LRIG2: variants seen among roughly 807,000 people sequenced by gnomAD.
LRIG2 encodes leucine-rich repeats and immunoglobulin-like domains protein 2.
A neutral mutation model predicts 107.8 loss-of-function variants in LRIG2; 93 were observed. The observed-to-expected ratio is 0.86, with a 90% CI of 0.73 to 1.03. LRIG2 has a LOEUF of 1.03. Among genes scored for constraint, LRIG2 ranks in the 50% least tolerant of loss-of-function variants. LRIG2 has a pLI of 0.00. For synonymous variants in LRIG2, 471 were observed against 470.6 expected (o/e 1.00, Z -0.01); for missense variants, 1,226 against 1,296.0 (o/e 0.95, Z 0.83).
intron 11 of LRIG2, among the ~76,000 whole-genome samples, chr1:113,102,204 T>C (rs898331293): frequency 1.3e-5 from 2 of 152,138 alleles, no homozygotes; most frequent in Non-Finnish European, 2.9e-5. Flanking sequence ...ATATCTACAA[T>C]TTTTTTGATA....
At chr1:113,086,732 A>G (rs1161356254) in intron 1 of LRIG2, among the ~76,000 whole-genome samples, 1 of 152,202 alleles carries the variant, frequency 6.6e-6, no homozygotes, top group Non-Finnish European at 1.5e-5. Context: ...ACATGATATC[A>G]AGGACATTAA....
chr1:113,110,202 A>T (rs1458028949), intron 12 of LRIG2, 40 bp from the exon 13 acceptor site: 1 of 1,395,368 alleles, frequency 7.2e-7, no homozygotes, highest in Admixed American at 2.3e-5. Context: ...AGCAAAAATA[A>T]ATAACTGACT....
At chr1:113,116,160 G>T (rs1654998940) in intron 15 of LRIG2, 127 bp from the exon 16 acceptor site, 3 of 609,196 alleles carry the variant, frequency 4.9e-6, no homozygotes, top group Admixed American at 6.8e-5. Flanking sequence ...ACCAAGAGCT[G>T]TTGCGGTCCT....
chr1:113,081,525 A>G (rs979150563), intron 1 of LRIG2, among the ~76,000 whole-genome samples: 9 of 151,942 alleles, frequency 5.9e-5, no homozygotes, highest in East Asian at 1.9e-4. Context: ...GGGTTTCACC[A>G]TATTGGCCAG....
At chr1:113,089,616 C>T (rs1054494375) in intron 1 of LRIG2, among the ~76,000 whole-genome samples, 5 of 148,646 alleles carry the variant, frequency 3.4e-5, no homozygotes, top group African/African-American at 7.4e-5. Context: ...CCACCAATGC[C>T]GTCATTATTA....
Position 113,124,426 on chromosome 1 carries a change from A to G in LRIG2, c.*325A>G, listed in dbSNP as rs1201717030. Reference sequence around the variant, plus strand: ...AGGAAGAGTCACATTGCTGCTTAACATGCTGGATTGCCCTAGTCTTCAGAA... The same window carrying G: ...AGGAAGAGTCACATTGCTGCTTAACGTGCTGGATTGCCCTAGTCTTCAGAA... On this transcript the variant is annotated 3_prime_UTR_variant, in exon 18 of 18. Transcript: ENST00000361127. 3 of 370,912 alleles carry G rather than the reference A, an allele frequency of 8.1e-6. No homozygotes were observed. Among genetic ancestry groups the G allele is most frequent in the Non-Finnish European group, 1.5e-5 (3 of 197,262 alleles). The allele number at this position is 370,912 out of a possible 1,614,324, so 23.0% of individuals were successfully genotyped here.
At chr1:113,113,201 A>G (rs1654846410) in intron 14 of LRIG2, among the ~76,000 whole-genome samples, 1 of 87,832 alleles carries the variant, frequency 1.1e-5, no homozygotes, top group African/African-American at 3.4e-5. Flanking sequence ...TTTTCAAAAA[A>G]AATTTAATAC....
At chr1:113,115,688 C>T (rs575993381) in intron 15 of LRIG2, among the ~76,000 whole-genome samples, 1 of 151,958 alleles carries the variant, frequency 6.6e-6, no homozygotes, top group South Asian at 2.1e-4. Context: ...CCACCATGCC[C>T]AGCTAATTTT....
At position 113,120,895 on chromosome 1, in the gene LRIG2, T is replaced by G. The variant is rs985676336; in HGVS notation, c.2971+1372T>G. Among the ~76,000 whole-genome samples the G allele has an allele frequency of 2.1e-5, 3 of 145,948 alleles. No individual in the cohort carries two copies. In the Admixed American group the frequency reaches 2.1e-4, roughly 10 times the overall value. Reference sequence around the variant, plus strand: ...GTCCAGTGGCGTGATCTCAACTCACTGCAACCTCTGCCTCCCAGGTTCAAG... The same window carrying G: ...GTCCAGTGGCGTGATCTCAACTCACGGCAACCTCTGCCTCCCAGGTTCAAG... On this transcript the variant is annotated intron_variant, in intron 17 of 17. Transcript: ENST00000361127.
At chr1:113,122,301 G>A (rs1312798183) in intron 17 of LRIG2, among the ~76,000 whole-genome samples, 1 of 151,820 alleles carries the variant, frequency 6.6e-6, no homozygotes, top group Non-Finnish European at 1.5e-5. Context: ...TGGCCAGGCT[G>A]GTCTCAAACT....
At position 113,094,409 on chromosome 1, in the gene LRIG2, G is replaced by A. The variant is rs1404059424; in HGVS notation, c.586G>A (p.Val196Met). The change falls in exon 5 of 18, where the codon GTG (valine) becomes ATG (methionine). Residue 196 changes from valine to methionine, a missense_variant. By Grantham distance (21) the Val-to-Met change is conservative. Around this residue, in one of 3 missense-constraint regions of LRIG2, gnomAD observed 570 missense variants for 550.2 expected, o/e 1.04. Coordinates refer to ENST00000361127, the MANE Select transcript of LRIG2 (RefSeq NM_014813.3). Reference protein sequence around the residue: ...CFDNLSSSLLVVKLNRNRMSM... With the variant: ...CFDNLSSSLLMVKLNRNRMSM... ...CGATAATTTATCAAGTTCCTTATTA[G>A]TGGTAAAGTTAAACCGTAACCGAAT... 7 of 1,613,214 alleles carry A rather than the reference G, an allele frequency of 4.3e-6. No homozygotes were observed. Among genetic ancestry groups the A allele is most frequent in the East Asian group, 4.5e-5 (2 of 44,858 alleles).
At chr1:113,082,228 A>G (rs1653321614) in intron 1 of LRIG2, among the ~76,000 whole-genome samples, 1 of 152,214 alleles carries the variant, frequency 6.6e-6, no homozygotes, top group Non-Finnish European at 1.5e-5. Context: ...AGCAAATGTG[A>G]GCCTTTAAAA....
At chr1:113,078,320 C>G (rs912927730) in intron 1 of LRIG2, among the ~76,000 whole-genome samples, 2 of 151,660 alleles carry the variant, frequency 1.3e-5, no homozygotes, top group African/African-American at 2.4e-5. Context: ...TTCACTGCAA[C>G]CCCCGCCTCC....
chr1:113,090,044 T>G (rs1241800999), intron 1 of LRIG2, among the ~76,000 whole-genome samples: 1 of 152,012 alleles, frequency 6.6e-6, no homozygotes, highest in Non-Finnish European at 1.5e-5. Context: ...TGTGGTCAAC[T>G]TCAATTTTAA....
chr1:113,099,244 C>CT (rs984786053), intron 9 of LRIG2, among the ~76,000 whole-genome samples: 11 of 117,920 alleles, frequency 9.3e-5, no homozygotes, highest in African/African-American at 3.2e-4. Flanking sequence ...TGGTTTTTTT[C>CT]TTTTTTTTTT....
chr1:113,130,497 T>G lies in LRIG2; in HGVS notation c.*6396T>G, dbSNP rs1302004407. 1 of 152,170 alleles carries G rather than the reference T, an allele frequency of 6.6e-6. No individual in the cohort carries two copies. Among genetic ancestry groups the G allele is most frequent in the Non-Finnish European group, 1.5e-5 (1 of 68,036 alleles). 9.4% of individuals were successfully genotyped at this position (152,170 alleles called of 1,614,324 possible). A position where few individuals can be genotyped will look rare whatever the true frequency, so the allele number is the denominator to read the frequency against. ...GTGTATTATATACTTGCTAATAAAT[T>G]TTTGTGTAGGCTCTTTAGTAAATTT... is the stretch of plus-strand genomic sequence containing the variant. On this transcript the variant is annotated 3_prime_UTR_variant, in exon 18 of 18. Transcript: ENST00000361127.
At chr1:113,095,173 A>G (rs1042222015) in intron 6 of LRIG2, among the ~76,000 whole-genome samples, 2 of 151,818 alleles carry the variant, frequency 1.3e-5, no homozygotes, top group Non-Finnish European at 2.9e-5. Flanking sequence ...GGGTTTCACC[A>G]TGTTGGTCAG....
intron 17 of LRIG2, among the ~76,000 whole-genome samples, chr1:113,123,175 A>G (rs1211605282): frequency 6.6e-6 from 1 of 152,252 alleles, no homozygotes; most frequent in Non-Finnish European, 1.5e-5. Context: ...TTAAAGATAT[A>G]ATGGCTGCAC....
At chr1:113,112,934 C>T (rs543589394) in intron 14 of LRIG2, among the ~76,000 whole-genome samples, 174 bp downstream of exon 14, 1 of 152,244 alleles carries the variant, frequency 6.6e-6, no homozygotes, top group Admixed American at 6.5e-5. Context: ...GGTCAGATAA[C>T]TGAAATGTGG....
Sources: gnomAD v4.1 joint callset for allele counts (sites outside exome capture counted in the v4.1 genomes callset) on GRCh38, gnomAD v4.1.1 for gene constraint, gnomAD v4.1.1 regional missense constraint, MANE v1.5 for transcripts, NCBI Gene and HGNC (gene_info 2026-07-23, HGNC 2026-07-21) for gene names.